Variants in FYB1 observed in about 807,000 individuals in gnomAD.
FYB1 encodes the protein FYN-binding protein 1.
A neutral mutation model predicts 94.1 loss-of-function variants in FYB1; 41 were observed. The observed-to-expected ratio is 0.44, with a 90% CI of 0.34 to 0.57. FYB1 has a LOEUF of 0.57. FYB1 is among the 20% of genes least tolerant of loss of function. FYB1 has a pLI of 0.02. For synonymous variants in FYB1, 367 were observed against 353.2 expected (o/e 1.04, Z -0.44); for missense variants, 1,050 against 976.8 (o/e 1.07, Z -1.00).
At chr5:39,185,623 CACACATATATATATATAT>C (rs1746702613) in intron 2 of FYB1, among the ~76,000 whole-genome samples, 1 of 138,756 alleles carries the variant, frequency 7.2e-6, no homozygotes, top group Non-Finnish European at 1.5e-5. Context: ...TATATATATA[CACACATATATATATATAT>C]ACACACACAC....
At chr5:39,157,164 T>C (rs903135992) in intron 2 of FYB1, among the ~76,000 whole-genome samples, 3 of 152,178 alleles carry the variant, frequency 2.0e-5, no homozygotes, top group African/African-American at 7.2e-5. Context: ...TTGGCCAGAA[T>C]TTGAACTCTA....
chr5:39,174,297 C>A (rs1561212912), intron 2 of FYB1, among the ~76,000 whole-genome samples: 1 of 152,090 alleles, frequency 6.6e-6, no homozygotes, highest in Non-Finnish European at 1.5e-5. Context: ...TACATAGAAT[C>A]CCTTTTGGGC....
intron 2 of FYB1, among the ~76,000 whole-genome samples, chr5:39,183,529 A>C (rs754800316): frequency 3.9e-5 from 6 of 152,134 alleles, no homozygotes; most frequent in Non-Finnish European, 8.8e-5. Context: ...CTCTAGTATC[A>C]CTTGAGGCAA....
chr5:39,254,572 G>A (rs1751856155), intron 1 of FYB1, among the ~76,000 whole-genome samples: 1 of 152,186 alleles, frequency 6.6e-6, no homozygotes, highest in Middle Eastern at 3.2e-3. Context: ...TATCTAGAAG[G>A]AGGATTTTGT....
At chr5:39,230,560 A>G (rs576136588) in intron 1 of FYB1, among the ~76,000 whole-genome samples, 1 of 151,394 alleles carries the variant, frequency 6.6e-6, no homozygotes, top group African/African-American at 2.4e-5. Flanking sequence ...ATGTGTATAT[A>G]TATTTCTGTA....
At chr5:39,176,402 G>A (rs10079613) in intron 2 of FYB1, among the ~76,000 whole-genome samples, 4,247 of 151,776 alleles carry the variant, frequency 0.028, 206 homozygotes, top group African/African-American at 0.097. Context: ...CACTCGCTTC[G>A]GCCTTCCAAA....
chr5:39,166,065 AG>A (rs1253667361), intron 2 of FYB1, among the ~76,000 whole-genome samples: 3 of 152,230 alleles, frequency 2.0e-5, no homozygotes, highest in African/African-American at 7.2e-5. Flanking sequence ...TAGAGAAAAC[AG>A]TATGGAAATT....
chr5:39,174,084 G>T (rs960728417), intron 2 of FYB1, among the ~76,000 whole-genome samples: 6 of 152,168 alleles, frequency 3.9e-5, no homozygotes, highest in Middle Eastern at 3.2e-3. Flanking sequence ...CATGAGCATA[G>T]AACATTTTTT....
intron 17 of FYB1, among the ~76,000 whole-genome samples, chr5:39,109,063 G>C (rs1456671722): frequency 5.3e-5 from 8 of 152,052 alleles, no homozygotes; most frequent in African/African-American, 1.9e-4. Context: ...TGAAATGTAA[G>C]ATATACTTCT....
At chr5:39,251,507 T>C (rs947037324) in intron 1 of FYB1, among the ~76,000 whole-genome samples, 1 of 152,130 alleles carries the variant, frequency 6.6e-6, no homozygotes, top group East Asian at 1.9e-4. Context: ...GCCTTGACCT[T>C]AAAGCCATCC....
At chr5:39,191,806 C>T (rs115105516) in intron 2 of FYB1, among the ~76,000 whole-genome samples, 2,213 of 152,238 alleles carry the variant, frequency 0.015, 26 homozygotes, top group South Asian at 0.031. Flanking sequence ...TGTGCCTTGT[C>T]TGAAAGGACA....
At chr5:39,160,690 C>G (rs1744165844) in intron 2 of FYB1, among the ~76,000 whole-genome samples, 1 of 152,182 alleles carries the variant, frequency 6.6e-6, no homozygotes, top group South Asian at 2.1e-4. Context: ...TAAAATGGGA[C>G]TACTGACTCT....
chr5:39,165,363 A>C lies in FYB1; in HGVS notation c.1136-11759T>G, dbSNP rs192399367. 3.0e-3 allele frequency among the ~76,000 whole-genome samples: 461 copies of C among 152,300 alleles called. 3 individuals are homozygous for C. The highest frequency in any genetic ancestry group is 0.01 in the African/African-American group (418 of 41,558). On this transcript the variant is annotated intron_variant, in intron 2 of 18. Coordinates refer to ENST00000512982, the MANE Select transcript of FYB1 (RefSeq NM_001465.6). ...TACCCACAGCCAACTGATCTTTGAC[A>C]AAGTCGACAAAAATGTACACTGGGG...
chr5:39,137,420 A>G (rs1741765626), intron 7 of FYB1, 180 bp downstream of exon 7: 2 of 542,272 alleles, frequency 3.7e-6, no homozygotes, highest in Non-Finnish European at 3.0e-6. Context: ...ATTTTATTAT[A>G]TTAGTTCAGG....
At chr5:39,143,350 T>C (rs1307254791) in intron 3 of FYB1, among the ~76,000 whole-genome samples, 1 of 151,794 alleles carries the variant, frequency 6.6e-6, no homozygotes, top group Non-Finnish European at 1.5e-5. Flanking sequence ...TTCAGTTCCA[T>C]GTCAAATCAA....
chr5:39,219,699 A>AG, upstream of FYB1: 1 of 624,700 alleles, frequency 1.6e-6, no homozygotes, highest in Non-Finnish European at 2.0e-6. Flanking sequence ...AGGAGGAGAA[A>AG]GGGGAACTTA....
chr5:39,129,690 C>G (rs1741011934), intron 10 of FYB1, among the ~76,000 whole-genome samples: 1 of 151,678 alleles, frequency 6.6e-6, no homozygotes. Flanking sequence ...TACAAATGGC[C>G]AACAGGCATA....
Position 39,124,370 on chromosome 5 carries a change from C to T in FYB1, c.2046-92G>A, listed in dbSNP as rs138710105. On this transcript the variant is annotated intron_variant, in intron 12 of 18. Transcript: ENST00000512982. ...TAGGAGAGTATAAAGGGGCAATAGC[C>T]TAGAGGCATATTGGGTTACTTCATC... 1.0e-3 allele frequency: 771 copies of T among 738,746 alleles called. 1 individual carries two copies. The highest frequency in any genetic ancestry group is 2.9e-3 in the East Asian group (87 of 30,226). The allele number at this position is 738,746 out of a possible 1,614,324, so 45.8% of individuals were successfully genotyped here. A position where few individuals can be genotyped will look rare whatever the true frequency, so the allele number is the denominator to read the frequency against.
At position 39,202,211 on chromosome 5, in the gene FYB1, A is replaced by C; in HGVS notation, c.750T>G (p.His250Gln). 1 of 1,613,888 alleles carries C rather than the reference A, an allele frequency of 6.2e-7. No individual in the cohort carries two copies. Among genetic ancestry groups the C allele is most frequent in the Non-Finnish European group, 8.5e-7 (1 of 1,179,848 alleles). The change falls in exon 2 of 19, where the codon CAT becomes CAG. Residue 250 changes from histidine to glutamine, a missense_variant. Transcript: ENST00000512982. ...PAREDSENKD[H>Q]AGEISSLPFP... ...AGGGCAAACTTGAAATCTCCCCTGCATGGTCTTTATTTTCTGAGTCTTCCC... is the reference window on the plus strand; with the variant it reads ...AGGGCAAACTTGAAATCTCCCCTGCCTGGTCTTTATTTTCTGAGTCTTCCC...
Sources: allele counts gnomAD v4.1 joint callset (sites outside exome capture counted in the v4.1 genomes callset), GRCh38; gene constraint gnomAD v4.1.1; transcripts MANE v1.5; gene names NCBI Gene and HGNC (gene_info 2026-07-23, HGNC 2026-07-21).